Variants in CSGALNACT1 observed in about 807,000 individuals in gnomAD.
CSGALNACT1 encodes the protein beta4GalNAcT-1.
Under a neutral mutation model 51.0 loss-of-function variants are expected in CSGALNACT1, and 52 were observed. The observed-to-expected ratio is 1.02, with a 90% CI of 0.82 to 1.29. The LOEUF is 1.29. Ranked by LOEUF, CSGALNACT1 falls within the 50% of genes most tolerant of loss-of-function variation. The pLI is 0.00. For synonymous variants in CSGALNACT1, 341 were observed against 254.4 expected, an observed-to-expected ratio of 1.34 and a Z score of -3.24; for missense variants, 935 against 679.2, an observed-to-expected ratio of 1.38 and a Z score of -4.19.
intron 8 of CSGALNACT1, among the ~76,000 whole-genome samples, chr8:19,417,148 C>T (rs1323484918): frequency 6.6e-6 from 1 of 152,180 alleles, no homozygotes; most frequent in Non-Finnish European, 1.5e-5. Flanking sequence ...AGCCACCAAA[C>T]CCAGCTGAAA....
intron 3 of CSGALNACT1, chr8:19,531,764 G>A (rs184847365): frequency 2.6e-5 from 4 of 152,314 alleles, no homozygotes; most frequent in Admixed American, 1.3e-4. Context: ...TGGCTTTCAC[G>A]TCCCCAGTCT....
intron 1 of CSGALNACT1, among the ~76,000 whole-genome samples, chr8:19,671,407 C>T (rs747519983): frequency 6.6e-6 from 1 of 152,202 alleles, no homozygotes; most frequent in African/African-American, 2.4e-5. Context: ...ACAGAGGTAA[C>T]CCATTTTTAT....
At chr8:19,572,102 CA>C (rs2154111915) in intron 3 of CSGALNACT1, among the ~76,000 whole-genome samples, 1 of 152,254 alleles carries the variant, frequency 6.6e-6, no homozygotes, top group African/African-American at 2.4e-5. Context: ...GCCAGTCAAC[CA>C]GAAAAACATC....
intron 3 of CSGALNACT1, among the ~76,000 whole-genome samples, chr8:19,565,463 C>G (rs566423839): frequency 6.6e-6 from 1 of 152,204 alleles, no homozygotes; most frequent in Non-Finnish European, 1.5e-5. Context: ...GACATTCATT[C>G]ATCTCAGGTA....
intron 1 of CSGALNACT1, among the ~76,000 whole-genome samples, chr8:19,661,079 ATT>A (rs67272509): frequency 8.2e-4 from 118 of 143,560 alleles, no homozygotes; most frequent in Middle Eastern, 7.4e-3. Flanking sequence ...CACCTGGCTA[ATT>A]TTTTTTTTTT....
At chr8:19,699,674 A>C (rs2061757487) in intron 1 of CSGALNACT1, among the ~76,000 whole-genome samples, 1 of 152,220 alleles carries the variant, frequency 6.6e-6, no homozygotes, top group Non-Finnish European at 1.5e-5. Flanking sequence ...GTACAGTTTC[A>C]ATTTTGCAAG....
rs983281369 is a variant in CSGALNACT1, at chr8:19,512,527, G to A, written c.-296-6397C>T. Among the ~76,000 whole-genome samples, 6 of 152,142 alleles carry A rather than the reference G, an allele frequency of 3.9e-5. No homozygotes were observed. The South Asian group carries it at 1.2e-3, about 32-fold the overall frequency. On this transcript the variant is annotated intron_variant, in intron 3 of 9. Coordinates refer to ENST00000454498, the Ensembl canonical transcript of CSGALNACT1. ...ACAGACTTCAGATTTACATAAAAAT[G>A]CTATCTCTCAACCATACACTATTTT...
intron 1 of CSGALNACT1, among the ~76,000 whole-genome samples, chr8:19,702,180 G>A (rs2061917251): frequency 6.6e-6 from 1 of 151,990 alleles, no homozygotes; most frequent in African/African-American, 2.4e-5. Context: ...CTCTACAGTG[G>A]AGCTCTGAGC....
intron 6 of CSGALNACT1, among the ~76,000 whole-genome samples, chr8:19,428,437 T>C (rs2059120040): frequency 6.6e-6 from 1 of 151,916 alleles, no homozygotes; most frequent in Non-Finnish European, 1.5e-5. Flanking sequence ...AACCATCAGA[T>C]CTCGTGAGAC....
At chr8:19,663,676 G>A (rs1412261874) in intron 1 of CSGALNACT1, among the ~76,000 whole-genome samples, 2 of 152,200 alleles carry the variant, frequency 1.3e-5, no homozygotes, top group Non-Finnish European at 2.9e-5. Context: ...CTAGGGAAAA[G>A]TACATACAAC....
intron 1 of CSGALNACT1, among the ~76,000 whole-genome samples, chr8:19,651,885 T>C (rs1409786275): frequency 6.6e-6 from 1 of 151,936 alleles, no homozygotes; most frequent in Non-Finnish European, 1.5e-5. Flanking sequence ...GCAATTAATG[T>C]GTTTCCTTTT....
At chr8:19,752,631 C>T (rs966040139) in intron 1 of CSGALNACT1, among the ~76,000 whole-genome samples, 1 of 152,160 alleles carries the variant, frequency 6.6e-6, no homozygotes, top group Non-Finnish European at 1.5e-5. Context: ...TGTGTGCCCA[C>T]GTGCCTTAAG....
At chr8:19,632,931 C>CT (rs747351529) in intron 1 of CSGALNACT1, among the ~76,000 whole-genome samples, 231 of 138,272 alleles carry the variant, frequency 1.7e-3, no homozygotes, top group East Asian at 3.6e-3. Flanking sequence ...ATTTTTTTTT[C>CT]TTTTTTTTTT....
rs58262538 is a variant in CSGALNACT1, at chr8:19,610,289, C to CAAAAAAAAA, written c.-543-8433_-543-8425dup. ...TGGGCGACAGAGTACGACTCCGTCT[C>CAAAAAAAAA]AAAAAAAAAAAAAAAAAAAAAAGAT... On this transcript the variant is annotated intron_variant, in intron 1 of 9. Coordinates refer to the CSGALNACT1 transcript ENST00000332246. 7.1e-4 allele frequency among the ~76,000 whole-genome samples: 34 copies of CAAAAAAAAA among 47,642 alleles called. 2 individuals are homozygous for CAAAAAAAAA. Among genetic ancestry groups the CAAAAAAAAA allele is most frequent in the African/African-American group, 2.6e-3 (31 of 12,074 alleles). 31.3% of individuals were successfully genotyped at this position (47,642 alleles called of 152,430 possible). A position where few individuals can be genotyped will look rare whatever the true frequency, so the allele number is the denominator to read the frequency against.
rs549714544 is a variant in CSGALNACT1 at position 19,466,632 on chromosome 8, GT to G, written c.635-7991del. On this transcript the variant is annotated intron_variant, in intron 4 of 9. Coordinates refer to ENST00000454498, the Ensembl canonical transcript of CSGALNACT1. Reference sequence around the variant, plus strand: ...ATTACAGTGCCATCACCTGTCAGCTGTTTTTATAGGTAAAGTAGTAAACTTG... The same window carrying G: ...ATTACAGTGCCATCACCTGTCAGCTGTTTTATAGGTAAAGTAGTAAACTTG... 1.7e-4 allele frequency among the ~76,000 whole-genome samples: 26 copies of G among 152,330 alleles called. No homozygotes were observed. The East Asian group carries it at 5.0e-3, about 29-fold the overall frequency.
At chr8:19,583,838 A>G (rs1332338405) in intron 3 of CSGALNACT1, among the ~76,000 whole-genome samples, 1 of 152,230 alleles carries the variant, frequency 6.6e-6, no homozygotes, top group Non-Finnish European at 1.5e-5. Context: ...AGCAATTAGA[A>G]TAATATTTCA....
chr8:19,526,848 A>C (rs1265338887), intron 3 of CSGALNACT1, among the ~76,000 whole-genome samples: 1 of 152,156 alleles, frequency 6.6e-6, no homozygotes, highest in African/African-American at 2.4e-5. Context: ...TTTGCAACTA[A>C]AATTATCAAA....
At chr8:19,702,545 C>A (rs558761026) in intron 1 of CSGALNACT1, among the ~76,000 whole-genome samples, 5 of 152,174 alleles carry the variant, frequency 3.3e-5, no homozygotes, top group Non-Finnish European at 7.4e-5. Context: ...AATTCAAATT[C>A]TTCAACCTGC....
At chr8:19,600,130 T>C (rs1249848870) in intron 2 of CSGALNACT1, among the ~76,000 whole-genome samples, 1 of 152,178 alleles carries the variant, frequency 6.6e-6, no homozygotes, top group Admixed American at 6.5e-5. Context: ...TTGCCCAGGC[T>C]GGAGTGCAAT....
Sources: gnomAD v4.1 joint callset for allele counts (sites outside exome capture counted in the v4.1 genomes callset) on GRCh38, gnomAD v4.1.1 for gene constraint, MANE v1.5 for transcripts, NCBI Gene and HGNC (gene_info 2026-07-23, HGNC 2026-07-21) for gene names.